RBM20: variants seen among roughly 807,000 people sequenced by gnomAD.
RBM20 encodes RNA-binding protein 20.
Under a neutral mutation model 110.1 loss-of-function variants are expected in RBM20, and 51 were observed. The observed-to-expected ratio is 0.46, with a 90% CI of 0.37 to 0.59. RBM20 has a LOEUF of 0.59. RBM20 is among the 20% of genes least tolerant of loss of function. RBM20 has a pLI of 0.00. For synonymous variants in RBM20, 589 were observed against 618.2 expected, an observed-to-expected ratio of 0.95 and a Z score of 0.70; for missense variants, 1,512 against 1,574.9, an observed-to-expected ratio of 0.96 and a Z score of 0.68.
rs2135121307 is a variant in RBM20, at chr10:110,821,512, G to A, written c.2893G>A (p.Gly965Arg). 32 of 1,552,012 alleles carry A rather than the reference G, an allele frequency of 2.1e-5. No individual in the cohort carries two copies. The highest frequency in any genetic ancestry group is 2.8e-5 in the Non-Finnish European group (32 of 1,147,080). Residue 965 changes from glycine (G) to arginine (R), a missense_variant, in exon 11 of 14, where the codon GGA becomes AGA. Around this residue, in one of 3 missense-constraint regions of RBM20, gnomAD observed 358 missense variants for 384.2 expected, o/e 0.93. Transcript: ENST00000369519. ...LDLAQDFPKE[G>R]VKAVGNGAAE... is the part of the protein sequence containing the mutation. ...CCTGGCCCAGGATTTCCCCAAGGAA[G>A]GAGTCAAGGCCGTAGGGAATGGGGC...
At chr10:110,667,860 C>G (rs1399432125) in intron 1 of RBM20, among the ~76,000 whole-genome samples, 3 of 152,168 alleles carry the variant, frequency 2.0e-5, no homozygotes, top group Admixed American at 1.3e-4. Flanking sequence ...CTTTACCCCC[C>G]ATGCATGTGA....
In RBM20 at chr10:110,816,941, G is replaced by A. The variant is rs116666822; in HGVS notation, c.2551-3131G>A. On this transcript the variant is annotated intron_variant, in intron 9 of 13. Transcript: ENST00000369519. ...GAGCTCTCTGGAGAAAGTTTCTGTG[G>A]TTGAGAAGCCAGTGTGCGTGCTGCT... Among the ~76,000 whole-genome samples, 611 of 152,316 alleles carry A rather than the reference G, an allele frequency of 4.0e-3. 4 individuals are homozygous for A. The highest frequency in any genetic ancestry group is 0.014 in the African/African-American group (586 of 41,556).
intron 1 of RBM20, among the ~76,000 whole-genome samples, chr10:110,735,460 C>T (rs1843660733): frequency 6.6e-6 from 1 of 152,170 alleles, no homozygotes; most frequent in Admixed American, 6.5e-5. Flanking sequence ...AAGCCTGTAC[C>T]TTGCGCTTTT....
chr10:110,806,520 G>C (rs1192478587), intron 7 of RBM20, among the ~76,000 whole-genome samples: 1 of 152,096 alleles, frequency 6.6e-6, no homozygotes, highest in African/African-American at 2.4e-5. Flanking sequence ...AGTAGTACTG[G>C]GGGATGGTGC....
chr10:110,767,874 G>C (rs1314169730), intron 1 of RBM20, among the ~76,000 whole-genome samples: 2 of 152,180 alleles, frequency 1.3e-5, no homozygotes, highest in Non-Finnish European at 2.9e-5. Flanking sequence ...GGCTCCTCAC[G>C]TCCCAGACGA....
Position 110,649,842 on chromosome 10 carries a change from C to T in RBM20, c.191+5197C>T, listed in dbSNP as rs181197966. Among the ~76,000 whole-genome samples, 332 of 152,266 alleles carry T rather than the reference C, an allele frequency of 2.2e-3. 2 individuals carry two copies. Among genetic ancestry groups the T allele is most frequent in the African/African-American group, 7.7e-3 (322 of 41,566 alleles). The stretch of plus-strand genomic sequence containing the variant: ...GGCAGTTCCCTTTCTGTTTAAAGAA[C>T]CTGGCTGGATCTTGAGAATATGCGT... On this transcript the variant is annotated intron_variant, in intron 1 of 13. Coordinates refer to ENST00000369519, the MANE Select transcript of RBM20 (RefSeq NM_001134363.3).
chr10:110,689,178 A>G (rs1564816268), intron 1 of RBM20, among the ~76,000 whole-genome samples: 1 of 152,224 alleles, frequency 6.6e-6, no homozygotes, highest in Non-Finnish European at 1.5e-5. Context: ...CAGGATATTG[A>G]CATTGATAGA....
intron 7 of RBM20, among the ~76,000 whole-genome samples, chr10:110,801,587 C>T (rs12357666): frequency 0.05 from 7,662 of 151,778 alleles, 238 homozygotes; most frequent in Middle Eastern, 0.079. Context: ...CAGGCTGGAG[C>T]GCAGTGGTGC....
intron 7 of RBM20, among the ~76,000 whole-genome samples, chr10:110,809,218 T>TAAAA (rs60697105): frequency 3.3e-4 from 20 of 60,688 alleles, no homozygotes; most frequent in Admixed American, 8.3e-4. Flanking sequence ...CCCCGTTTCT[T>TAAAA]AAAAAAAAAA....
At chr10:110,723,327 C>T (rs1843529471) in intron 1 of RBM20, among the ~76,000 whole-genome samples, 1 of 152,182 alleles carries the variant, frequency 6.6e-6, no homozygotes, top group South Asian at 2.1e-4. Context: ...TACCCATTAG[C>T]AGTCACTCCC....
intron 12 of RBM20, among the ~76,000 whole-genome samples, chr10:110,830,544 A>G (rs1312314897): frequency 6.6e-6 from 1 of 152,190 alleles, no homozygotes; most frequent in Non-Finnish European, 1.5e-5. Flanking sequence ...TGTGGAAGAA[A>G]ATATTTGGAT....
intron 1 of RBM20, among the ~76,000 whole-genome samples, chr10:110,665,695 T>C (rs1341837445): frequency 1.4e-5 from 2 of 141,106 alleles, no homozygotes; most frequent in African/African-American, 6.4e-5. Flanking sequence ...AACTAAGATA[T>C]TATATTTGAA....
At chr10:110,745,171 A>G (rs1331028124) in intron 1 of RBM20, among the ~76,000 whole-genome samples, 4 of 152,194 alleles carry the variant, frequency 2.6e-5, no homozygotes, top group Non-Finnish European at 5.9e-5. Context: ...AATAGAGTCC[A>G]GTTCTTCTAA....
At chr10:110,777,612 G>C (rs1431280829) in intron 1 of RBM20, among the ~76,000 whole-genome samples, 3 of 152,156 alleles carry the variant, frequency 2.0e-5, no homozygotes, top group African/African-American at 2.4e-5. Flanking sequence ...ATCTGAATGG[G>C]TTAACGTCTG....
At chr10:110,774,652 G>GT (rs202178767) in intron 1 of RBM20, among the ~76,000 whole-genome samples, 591 of 152,182 alleles carry the variant, frequency 3.9e-3, no homozygotes, top group African/African-American at 0.013. Flanking sequence ...GGCTTTTGCG[G>GT]TTTTTTGTTT....
At chr10:110,753,690 T>C (rs1213736261) in intron 1 of RBM20, among the ~76,000 whole-genome samples, 1 of 152,208 alleles carries the variant, frequency 6.6e-6, no homozygotes, top group Non-Finnish European at 1.5e-5. Context: ...AAATTCATTC[T>C]CCTTTGATTC....
intron 1 of RBM20, among the ~76,000 whole-genome samples, chr10:110,750,736 G>T (rs1843842512): frequency 2.0e-5 from 3 of 152,200 alleles, no homozygotes; most frequent in Non-Finnish European, 4.4e-5. Context: ...CTGACTAGGA[G>T]CATCATGCTG....
intron 1 of RBM20, among the ~76,000 whole-genome samples, chr10:110,767,105 C>T (rs1486792863): frequency 8.6e-6 from 1 of 116,288 alleles, no homozygotes; most frequent in Admixed American, 8.1e-5. Flanking sequence ...CCCTCCCGGA[C>T]GGGGCGGCTG....
chr10:110,835,803 C>G, intron 13 of RBM20, 65 bp from the exon 14 acceptor site: 65 of 1,468,702 alleles, frequency 4.4e-5, no homozygotes, highest in Non-Finnish European at 5.4e-5. Flanking sequence ...ATGTCCGCTC[C>G]TCTCCTCTCC....
Sources: allele counts gnomAD v4.1 joint callset (sites outside exome capture counted in the v4.1 genomes callset), GRCh38; gene constraint gnomAD v4.1.1; regional missense constraint gnomAD v4.1.1; transcripts MANE v1.5; gene names NCBI Gene and HGNC (gene_info 2026-07-23, HGNC 2026-07-21).